The following SHISA9 variants were observed in gnomAD, a reference collection of about 807,000 sequenced individuals.
SHISA9 encodes protein shisa-9.
SHISA9 carries 13 observed loss-of-function variants against 38.0 expected under a neutral mutation model. That is an observed-to-expected ratio of 0.34 (90% confidence interval 0.22 to 0.54). The LOEUF is 0.54. Ranked by LOEUF, SHISA9 falls within the 20% of genes least tolerant of loss-of-function variation. The pLI, the probability that SHISA9 is intolerant of heterozygous loss-of-function variation, is 0.91. For synonymous variants in SHISA9, 275 were observed against 242.0 expected (o/e 1.14, Z -1.27); for missense variants, 538 against 575.8 (o/e 0.93, Z 0.67).
intron 2 of SHISA9, among the ~76,000 whole-genome samples, chr16:12,963,571 T>C (rs2071939059): frequency 6.6e-6 from 1 of 152,246 alleles, no homozygotes; most frequent in Admixed American, 6.5e-5. Flanking sequence ...AGTGCCTTCC[T>C]AAATGTTTTA....
intron 2 of SHISA9, among the ~76,000 whole-genome samples, chr16:13,154,672 C>T (rs2050527953): frequency 6.6e-6 from 1 of 152,194 alleles, no homozygotes; most frequent in Non-Finnish European, 1.5e-5. Flanking sequence ...AATACAGCTG[C>T]TAAGGAAAAG....
the SHISA9 span, among the ~76,000 whole-genome samples, chr16:13,377,342 G>A: frequency 6.6e-6 from 1 of 152,204 alleles, no homozygotes; most frequent in Admixed American, 6.5e-5. Context: ...CCAGGTGCTG[G>A]TAAATCCCAG....
At chr16:13,410,387 A>G in the SHISA9 span, among the ~76,000 whole-genome samples, 1 of 152,236 alleles carries the variant, frequency 6.6e-6, no homozygotes, top group African/African-American at 2.4e-5. Context: ...CACCATCACC[A>G]AGAGACATCT....
At chr16:13,037,088 CCACA>C (rs71147781) in intron 2 of SHISA9, among the ~76,000 whole-genome samples, 17 of 129,738 alleles carry the variant, frequency 1.3e-4, no homozygotes, top group African/African-American at 4.7e-4. Flanking sequence ...ACACACCACA[CCACA>C]CACACACACA....
At chr16:13,345,060 G>T in the SHISA9 span, among the ~76,000 whole-genome samples, 1 of 152,104 alleles carries the variant, frequency 6.6e-6, no homozygotes, top group Admixed American at 6.6e-5. Context: ...ACTGTGACTT[G>T]TTTAGTGGGT....
At chr16:13,080,331 C>A (rs2141934675) in intron 2 of SHISA9, among the ~76,000 whole-genome samples, 1 of 152,282 alleles carries the variant, frequency 6.6e-6, no homozygotes, top group East Asian at 1.9e-4. Context: ...CTAGATTGCG[C>A]CACTGCACTT....
intron 2 of SHISA9, among the ~76,000 whole-genome samples, chr16:13,175,014 TCA>T (rs1366393787): frequency 6.6e-6 from 1 of 152,138 alleles, no homozygotes; most frequent in Non-Finnish European, 1.5e-5. Flanking sequence ...AATCTCAGCT[TCA>T]GTCCCAGAGC....
chr16:12,949,307 C>A (rs1360410125), intron 2 of SHISA9, among the ~76,000 whole-genome samples: 1 of 152,210 alleles, frequency 6.6e-6, no homozygotes, highest in Non-Finnish European at 1.5e-5. Context: ...CCACGGGCAG[C>A]TCTGGAGCGT....
In SHISA9 at chr16:13,050,872, A is replaced by G. The variant is rs1437232858; in HGVS notation, c.691+134057A>G. On this transcript the variant is annotated intron_variant, in intron 2 of 4. Coordinates refer to ENST00000558583, the MANE Select transcript of SHISA9 (RefSeq NM_001145204.3). The stretch of plus-strand genomic sequence containing the variant: ...AGAAGGGTCCACCAGGAAAATCTCA[A>G]TTTTAAATATTCTGCCATGTTGCTG... Among the ~76,000 whole-genome samples the G allele has an allele frequency of 3.9e-5, 6 of 152,142 alleles. 1 individual carries two copies. Among genetic ancestry groups the G allele is most frequent in the African/African-American group, 1.4e-4 (6 of 41,438 alleles).
chr16:13,399,967 G>T, the SHISA9 span, among the ~76,000 whole-genome samples: 1 of 152,178 alleles, frequency 6.6e-6, no homozygotes, highest in Non-Finnish European at 1.5e-5. Context: ...TAGCACAGGG[G>T]TTGCCATTTT....
chr16:13,053,223 A>G (rs759204989), intron 2 of SHISA9, among the ~76,000 whole-genome samples: 50 of 151,462 alleles, frequency 3.3e-4, no homozygotes, highest in Non-Finnish European at 6.0e-4. Flanking sequence ...TCGGCCTCCC[A>G]AAGTGCTGGG....
At chr16:13,295,346 A>G in the SHISA9 span, among the ~76,000 whole-genome samples, 1 of 152,216 alleles carries the variant, frequency 6.6e-6, no homozygotes, top group African/African-American at 2.4e-5. Context: ...ATCAGCCTGA[A>G]TTCAGAGAAG....
At chr16:12,909,058 A>G (rs145812846) in intron 1 of SHISA9, 4 of 995,666 alleles carry the variant, frequency 4.0e-6, no homozygotes, top group African/African-American at 1.7e-5. Context: ...CTTTCTATGC[A>G]TTTGTGGTTA....
At chr16:13,201,201 G>A (rs896488550) in intron 2 of SHISA9, among the ~76,000 whole-genome samples, 1 of 134,886 alleles carries the variant, frequency 7.4e-6, no homozygotes, top group Non-Finnish European at 1.6e-5. Flanking sequence ...ACCCATTTAT[G>A]TAGTTGTCCC....
chr16:13,514,019 A>G, the SHISA9 span, among the ~76,000 whole-genome samples: 15 of 152,132 alleles, frequency 9.9e-5, no homozygotes, highest in Non-Finnish European at 1.6e-4. Context: ...TTTTTTAACA[A>G]AGTCATGCTC....
chr16:13,165,270 T>G (rs1361701283), intron 2 of SHISA9, among the ~76,000 whole-genome samples: 1 of 152,170 alleles, frequency 6.6e-6, no homozygotes, highest in Non-Finnish European at 1.5e-5. Context: ...CTTTTCATAT[T>G]TTGCTGTCTG....
chr16:13,500,209 G>A, the SHISA9 span, among the ~76,000 whole-genome samples: 1 of 152,104 alleles, frequency 6.6e-6, no homozygotes, highest in Admixed American at 6.5e-5. Context: ...TTCCCCCTTT[G>A]CTGCTCACTT....
chr16:13,073,957 G>GTGT, intron 2 of SHISA9, among the ~76,000 whole-genome samples: 1 of 103,898 alleles, frequency 9.6e-6, no homozygotes, highest in South Asian at 3.9e-4. Context: ...TCTGCTGGTC[G>GTGT]TTTTTTTTTT....
the SHISA9 span, among the ~76,000 whole-genome samples, chr16:13,532,464 C>A: frequency 4.3e-4 from 66 of 152,086 alleles, 1 homozygote; most frequent in Non-Finnish European, 8.2e-4. Context: ...GGGCTTGAAT[C>A]CAAGCTGCTG....
Sources: gnomAD v4.1 joint callset for allele counts (sites outside exome capture counted in the v4.1 genomes callset) on GRCh38, gnomAD v4.1.1 for gene constraint, MANE v1.5 for transcripts, NCBI Gene and HGNC (gene_info 2026-07-23, HGNC 2026-07-21) for gene names.